Variants in AGAP1 observed in about 807,000 individuals in gnomAD.
The protein encoded by AGAP1 is arf-GAP with GTPase, ANK repeat and PH domain-containing protein 1.
In AGAP1, 29 loss-of-function variants were observed where a neutral mutation model predicts 105.3. The ratio of observed to expected loss-of-function variants is 0.28; its 90% CI spans 0.21 to 0.38. The LOEUF is 0.38. Among genes scored for constraint, AGAP1 ranks in the 10% least tolerant of loss-of-function variants. The pLI is 1.00. For synonymous variants in AGAP1, 509 were observed against 485.9 expected (o/e 1.05, Z -0.63); for missense variants, 998 against 1,165.1 (o/e 0.86, Z 2.09).
chr2:235,819,198 C>A (rs1364476239), intron 9 of AGAP1, among the ~76,000 whole-genome samples: 2 of 151,576 alleles, frequency 1.3e-5, no homozygotes, highest in African/African-American at 4.9e-5. Context: ...TCACTGTAAC[C>A]TCTGCCTCCC....
At position 236,009,682 on chromosome 2, in the gene AGAP1, C is replaced by T. The variant is rs191210777; in HGVS notation, c.1646-26879C>T. 6.6e-6 allele frequency among the ~76,000 whole-genome samples: 1 copy of T among 152,226 alleles called. No individual in the cohort carries two copies. Among genetic ancestry groups the T allele is most frequent in the East Asian group, 1.9e-4 (1 of 5,180 alleles). ...ACCTCTTCAACCCATCCCCTTCCTC[C>T]ATGGAGGTAAAAAGATCCTATTAGT... On this transcript the variant is annotated intron_variant, in intron 13 of 17. Transcript: ENST00000304032. The surrounding 1 kb of genome is among the most constrained non-coding windows in gnomAD (Gnocchi z 4.2).
rs1158835289 is a variant in AGAP1 at position 235,599,620 on chromosome 2, C to G, written c.163+104771C>G. ...ATCCCCTGCCATGGCCCATGTGGCT[C>G]CGGAAGTTCCTGGGAGTGGCTCGTA... On this transcript the variant is annotated intron_variant, in intron 1 of 17. Transcript: ENST00000304032. This position sits in a 1 kb window ranked among gnomAD's most constrained non-coding sequence, Gnocchi z 5.3. Among the ~76,000 whole-genome samples, 1 of 152,220 alleles carries G rather than the reference C, an allele frequency of 6.6e-6. No individual in the cohort carries two copies. Among genetic ancestry groups the G allele is most frequent in the Admixed American group, 6.5e-5 (1 of 15,284 alleles).
rs576605857 is a variant in AGAP1, at chr2:235,983,156, A to G, written c.1645+14533A>G. On this transcript the variant is annotated intron_variant, in intron 13 of 17. Coordinates refer to ENST00000304032, the MANE Select transcript of AGAP1 (RefSeq NM_001037131.3). This position sits in a 1 kb window ranked among gnomAD's most constrained non-coding sequence, Gnocchi z 4.5. ...CCCAGGATGCTGGGGCTGGTGGACG[A>G]CCCCAGAGAAGGGACAGGATGGGGG... Among the ~76,000 whole-genome samples the G allele has an allele frequency of 1.2e-4, 18 of 152,010 alleles. No individual in the cohort carries two copies. In the South Asian group the frequency reaches 3.8e-3, roughly 32 times the overall value.
rs1956738721 is a variant in AGAP1 at position 235,787,763 on chromosome 2, G to A, written c.674-9996G>A. On this transcript the variant is annotated intron_variant, in intron 6 of 17. Transcript: ENST00000304032. This position sits in a 1 kb window ranked among gnomAD's most constrained non-coding sequence, Gnocchi z 4.4. ...TAAAGAATGGGCAGCAACTTGCTTGGTTTCTGTGAGGACTTGCTTAATTCT... is the reference window on the plus strand; with the variant it reads ...TAAAGAATGGGCAGCAACTTGCTTGATTTCTGTGAGGACTTGCTTAATTCT... Among the ~76,000 whole-genome samples, 1 of 152,200 alleles carries A rather than the reference G, an allele frequency of 6.6e-6. No homozygotes were observed. Among genetic ancestry groups the A allele is most frequent in the African/African-American group, 2.4e-5 (1 of 41,446 alleles).
intron 1 of AGAP1, among the ~76,000 whole-genome samples, chr2:235,650,256 G>A (rs1947537224): frequency 6.6e-6 from 1 of 152,148 alleles, no homozygotes; most frequent in Non-Finnish European, 1.5e-5. Flanking sequence ...AGCTACTCCA[G>A]AGGCTGAGAC....
chr2:235,504,278 G>C (rs1032313264), intron 1 of AGAP1, among the ~76,000 whole-genome samples: 1 of 152,198 alleles, frequency 6.6e-6, no homozygotes, highest in Non-Finnish European at 1.5e-5. Flanking sequence ...CGTGAGGGTC[G>C]TTAGAAATTG....
chr2:235,922,066 T>C (rs769373397), intron 11 of AGAP1, among the ~76,000 whole-genome samples: 10 of 152,352 alleles, frequency 6.6e-5, no homozygotes, highest in Non-Finnish European at 8.8e-5. Context: ...CCAGTTGTGA[T>C]TCCAGGGAAC....
intron 13 of AGAP1, among the ~76,000 whole-genome samples, chr2:235,996,681 G>A (rs1480125672): frequency 6.6e-6 from 1 of 152,218 alleles, no homozygotes; most frequent in Admixed American, 6.5e-5. Context: ...ACAGCTCCCA[G>A]CCTGCAGGAA....
At chr2:235,632,086 A>G (rs1575003231) in intron 1 of AGAP1, among the ~76,000 whole-genome samples, 2 of 152,342 alleles carry the variant, frequency 1.3e-5, no homozygotes, top group Admixed American at 6.5e-5. Context: ...TCTGTCTTGT[A>G]TAAGCCACTG....
intron 1 of AGAP1, among the ~76,000 whole-genome samples, chr2:235,674,281 C>T (rs994601867): frequency 5.3e-5 from 8 of 152,184 alleles, no homozygotes; most frequent in African/African-American, 1.7e-4. Context: ...AGGGCAGTTT[C>T]GTGTTAACTG....
intron 1 of AGAP1, among the ~76,000 whole-genome samples, chr2:235,647,776 A>C (rs1947440699): frequency 6.6e-6 from 1 of 152,092 alleles, no homozygotes; most frequent in Admixed American, 6.5e-5. Context: ...ATTCTAGTCT[A>C]ATTTCATCCT....
Position 235,674,117 on chromosome 2 carries a change from C to T in AGAP1, c.164-35062C>T, listed in dbSNP as rs144656925. On this transcript the variant is annotated intron_variant, in intron 1 of 17. Transcript: ENST00000304032. ...GGATGATTCTCTTGTACTGTCTGGTCCTTGTTGGAACTTGTCTATTTAGGC... is the reference window on the plus strand; with the variant it reads ...GGATGATTCTCTTGTACTGTCTGGTTCTTGTTGGAACTTGTCTATTTAGGC... 8.1e-4 allele frequency among the ~76,000 whole-genome samples: 123 copies of T among 152,262 alleles called. 1 individual carries two copies. In the East Asian group the frequency reaches 0.022, roughly 28 times the overall value.
intron 1 of AGAP1, among the ~76,000 whole-genome samples, chr2:235,699,069 T>G: frequency 7.1e-6 from 1 of 140,458 alleles, no homozygotes; most frequent in African/African-American, 2.6e-5. Flanking sequence ...GCATCAGACA[T>G]CCCCCCCCCC....
chr2:235,970,616 C>T lies in AGAP1; in HGVS notation c.1645+1993C>T, dbSNP rs963657129. Among the ~76,000 whole-genome samples, 1 of 152,178 alleles carries T rather than the reference C, an allele frequency of 6.6e-6. No homozygotes were observed. The highest frequency in any genetic ancestry group is 1.5e-5 in the Non-Finnish European group (1 of 68,012). On this transcript the variant is annotated intron_variant, in intron 13 of 17. Coordinates refer to ENST00000304032, the MANE Select transcript of AGAP1 (RefSeq NM_001037131.3). The surrounding 1 kb of genome is among the most constrained non-coding windows in gnomAD (Gnocchi z 5.4). ...TTCCAACCGAGGTCTGTGGTTTTTTCTTATGCACAACCTGGTGGGAACTGA... is the reference window on the plus strand; with the variant it reads ...TTCCAACCGAGGTCTGTGGTTTTTTTTTATGCACAACCTGGTGGGAACTGA...
rs543175410 is a variant in AGAP1 at position 235,733,663 on chromosome 2, G to T, written c.311-7300G>T. On this transcript the variant is annotated intron_variant, in intron 3 of 17. Transcript: ENST00000304032. This position sits in a 1 kb window ranked among gnomAD's most constrained non-coding sequence, Gnocchi z 5.0. ...TACCTTACTTAGATCTCGGTTAAAT[G>T]AAACCATGAGAGACCGTGGCCTGCC... 1.3e-5 allele frequency among the ~76,000 whole-genome samples: 2 copies of T among 152,176 alleles called. No individual in the cohort carries two copies. Among genetic ancestry groups the T allele is most frequent in the Admixed American group, 1.3e-4 (2 of 15,290 alleles).
chr2:236,118,878 C>T (rs1324214998), intron 16 of AGAP1, among the ~76,000 whole-genome samples: 1 of 151,994 alleles, frequency 6.6e-6, no homozygotes, highest in Non-Finnish European at 1.5e-5. Context: ...CTTGAGTTTT[C>T]AGTATCTGTC....
chr2:235,776,548 G>A (rs1955877484), intron 6 of AGAP1, among the ~76,000 whole-genome samples: 1 of 152,158 alleles, frequency 6.6e-6, no homozygotes. Flanking sequence ...TCTTGTCGAG[G>A]GTCTCCTAAG....
intron 9 of AGAP1, among the ~76,000 whole-genome samples, chr2:235,847,279 G>A (rs1022516342): frequency 3.9e-5 from 6 of 152,116 alleles, no homozygotes; most frequent in Non-Finnish European, 8.8e-5. Context: ...ACTGAAAAAC[G>A]GCCATCTTTT....
chr2:235,852,386 G>T (rs2048506437), intron 9 of AGAP1, among the ~76,000 whole-genome samples: 1 of 152,228 alleles, frequency 6.6e-6, no homozygotes, highest in African/African-American at 2.4e-5. Flanking sequence ...GCGCGGAGGG[G>T]GCTTGGGGTG....
Sources: allele counts gnomAD v4.1 joint callset (sites outside exome capture counted in the v4.1 genomes callset), GRCh38; gene constraint gnomAD v4.1.1; non-coding constraint Gnocchi (gnomAD v3.1); transcripts MANE v1.5; gene names NCBI Gene and HGNC (gene_info 2026-07-23, HGNC 2026-07-21).